The following PCDHGB3 variants were observed in gnomAD, a reference collection of about 807,000 sequenced individuals.
PCDHGB3 encodes protocadherin gamma subfamily B, 3.
PCDHGB3 carries 40 observed loss-of-function variants against 59.2 expected under a neutral mutation model. That is an observed-to-expected ratio of 0.68 (90% CI 0.52 to 0.88). PCDHGB3 has a LOEUF of 0.88. Among genes scored for constraint, PCDHGB3 ranks in the 40% least tolerant of loss-of-function variants. PCDHGB3 has a pLI of 0.00. For synonymous variants in PCDHGB3, 581 were observed against 503.6 expected (o/e 1.15, Z -2.06); for missense variants, 1,309 against 1,187.9 (o/e 1.10, Z -1.50).
intron 1 of PCDHGB3, chr5:141,398,025 A>T (rs1481347884): frequency 1.4e-6 from 2 of 1,445,136 alleles, no homozygotes; most frequent in Non-Finnish European, 1.8e-6. Flanking sequence ...CTAAACTGGA[A>T]CTGGAACTAA....
chr5:141,384,282 C>T (rs1230546899), intron 1 of PCDHGB3: 3 of 1,613,858 alleles, frequency 1.9e-6, no homozygotes, highest in African/African-American at 1.3e-5. Flanking sequence ...CAGTCTACAT[C>T]GCTGAGAACA....
chr5:141,437,000 G>A (rs1197061999), intron 1 of PCDHGB3, among the ~76,000 whole-genome samples: 1 of 152,198 alleles, frequency 6.6e-6, no homozygotes, highest in Non-Finnish European at 1.5e-5. Flanking sequence ...TTACTTCAAT[G>A]GGATCTTAGA....
In PCDHGB3 at chr5:141,489,152, A is replaced by C; in HGVS notation, c.2416-5655A>C. The C allele has an allele frequency of 2.1e-6, 2 of 960,350 alleles. No individual in the cohort carries two copies. Among genetic ancestry groups the C allele is most frequent in the Non-Finnish European group, 3.1e-6 (2 of 640,552 alleles). 59.5% of individuals were successfully genotyped at this position (960,350 alleles called of 1,614,324 possible). A position where few individuals can be genotyped will look rare whatever the true frequency, so the allele number is the denominator to read the frequency against. On this transcript the variant is annotated intron_variant, in intron 1 of 3. Transcript: ENST00000576222. This position sits in a 1 kb window ranked among gnomAD's most constrained non-coding sequence, Gnocchi z 4.5. The stretch of plus-strand genomic sequence containing the variant: ...TTTTAAGAGGCTGGAAGGAGACATA[A>C]GAGACTTCAGCTGCTGCATTCCAAG...
chr5:141,399,427 G>A (rs1049477252), intron 1 of PCDHGB3: 2 of 1,613,842 alleles, frequency 1.2e-6, no homozygotes, highest in African/African-American at 2.7e-5. Context: ...CAGCATAAGC[G>A]TCATCCTACA....
chr5:141,501,345 A>G (rs2099808580), intron 2 of PCDHGB3, among the ~76,000 whole-genome samples: 2 of 150,582 alleles, frequency 1.3e-5, no homozygotes, highest in East Asian at 1.9e-4. Context: ...CCCAAACTCA[A>G]TAGGGCAAGA....
At chr5:141,399,291 T>A in intron 1 of PCDHGB3, 1 of 1,613,954 alleles carries the variant, frequency 6.2e-7, no homozygotes, top group East Asian at 2.2e-5. Context: ...AAGTCCCTTT[T>A]AAGATTATCT....
chr5:141,498,971 G>GGGAA (rs201769957), intron 2 of PCDHGB3, among the ~76,000 whole-genome samples: 8,226 of 110,874 alleles, frequency 0.074, 335 homozygotes, highest in Middle Eastern at 0.11. Flanking sequence ...GAGGGAGGGA[G>GGGAA]GGAAGGAAGG....
chr5:141,387,668 A>C, intron 1 of PCDHGB3: 1 of 689,820 alleles, frequency 1.4e-6, no homozygotes, highest in Non-Finnish European at 2.4e-6. Flanking sequence ...GGCGCTCCAG[A>C]TCTCCTCGCG....
chr5:141,507,495 G>T (rs375483743), intron 3 of PCDHGB3, among the ~76,000 whole-genome samples: 2 of 152,234 alleles, frequency 1.3e-5, no homozygotes, highest in Non-Finnish European at 2.9e-5. Context: ...AGGCAGAGCT[G>T]TCCCAGGTCT....
In PCDHGB3 at chr5:141,391,891, A is replaced by C. The variant is rs140956361; in HGVS notation, c.2415+19082A>C. 7.1e-4 allele frequency: 108 copies of C among 152,338 alleles called. No individual in the cohort carries two copies. In the East Asian group the frequency reaches 0.015, roughly 21 times the overall value. 9.4% of individuals were successfully genotyped at this position (152,338 alleles called of 1,614,324 possible). On this transcript the variant is annotated intron_variant, in intron 1 of 3. Coordinates refer to ENST00000576222, the MANE Select transcript of PCDHGB3 (RefSeq NM_018924.5). ...TCATCTCTTTGGTGAAAGGGATGGG[A>C]TGGAGCTTTGCTTTTTATCATATAT... is the stretch of plus-strand genomic sequence containing the variant.
At chr5:141,381,989 C>G (rs1013941230) in intron 1 of PCDHGB3, among the ~76,000 whole-genome samples, 13 of 151,916 alleles carry the variant, frequency 8.6e-5, no homozygotes, top group Admixed American at 7.2e-4. Flanking sequence ...GCCACCACGC[C>G]CGGATAATTT....
intron 1 of PCDHGB3, among the ~76,000 whole-genome samples, chr5:141,438,591 C>CATATATAT (rs946798767): frequency 3.4e-4 from 26 of 75,528 alleles, no homozygotes; most frequent in Non-Finnish European, 5.4e-4. Flanking sequence ...TACATACATA[C>CATATATAT]ATATATATAT....
At position 141,390,867 on chromosome 5, in the gene PCDHGB3, CGTGT is replaced by C. The variant is rs61319619; in HGVS notation, c.2415+18076_2415+18079del. The C allele has an allele frequency of 5.1e-4, 77 of 151,148 alleles. No homozygotes were observed. The East Asian group carries it at 6.0e-3, about 12-fold the overall frequency. 9.4% of individuals were successfully genotyped at this position (151,148 alleles called of 1,614,324 possible). A position where few individuals can be genotyped will look rare whatever the true frequency, so the allele number is the denominator to read the frequency against. On this transcript the variant is annotated intron_variant, in intron 1 of 3. Coordinates refer to ENST00000576222, the MANE Select transcript of PCDHGB3 (RefSeq NM_018924.5). ...TTATATGCAGTGTACGCTGTGTGTG[CGTGT>C]GTGTGTGTGTGTGTGTGAGAGAGAT...
At chr5:141,419,273 G>A (rs751868316) in intron 1 of PCDHGB3, 2 of 1,614,034 alleles carry the variant, frequency 1.2e-6, no homozygotes, top group South Asian at 1.1e-5. Flanking sequence ...TGCCTCCATA[G>A]CGCAAGTCAG....
At chr5:141,510,286 A>G (rs1011677966) in intron 3 of PCDHGB3, among the ~76,000 whole-genome samples, 1 of 151,770 alleles carries the variant, frequency 6.6e-6, no homozygotes, top group African/African-American at 2.4e-5. Flanking sequence ...AAAAAAAAAA[A>G]AAAAATGCTG....
chr5:141,415,502 A>AGCCC, intron 1 of PCDHGB3: 1 of 1,614,204 alleles, frequency 6.2e-7, no homozygotes, highest in South Asian at 1.1e-5. Flanking sequence ...ATCTTCCCCC[A>AGCCC]GCCCAATTAT....
chr5:141,418,081 C>T lies in PCDHGB3; in HGVS notation c.2415+45272C>T, dbSNP rs190197904. On this transcript the variant is annotated intron_variant, in intron 1 of 3. Transcript: ENST00000576222. Reference sequence around the variant, plus strand: ...TGCGAGTGAGCGCGGAGAAGCTGCACTTCAGCGTAGACGCGCAGAGCGGGG... The same window carrying T: ...TGCGAGTGAGCGCGGAGAAGCTGCATTTCAGCGTAGACGCGCAGAGCGGGG... 331 of 1,614,072 alleles carry T rather than the reference C, an allele frequency of 2.1e-4. 3 individuals are homozygous for T. The African/African-American group carries it at 4.0e-3, about 19-fold the overall frequency.
At chr5:141,414,623 C>T (rs998923536) in intron 1 of PCDHGB3, 2 of 1,613,820 alleles carry the variant, frequency 1.2e-6, no homozygotes, top group African/African-American at 1.3e-5. Flanking sequence ...GCGCTGGACC[C>T]GGACAGCAAA....
rs1423149 is a variant in PCDHGB3, at chr5:141,487,780, C to G, written c.2416-7027C>G. ...TAGACGCTGTGCTTTGTAACTGTTTCGTGAATTAACCAGAGTTGTCACAGT... is the reference window on the plus strand; with the variant it reads ...TAGACGCTGTGCTTTGTAACTGTTTGGTGAATTAACCAGAGTTGTCACAGT... On this transcript the variant is annotated intron_variant, in intron 1 of 3. Transcript: ENST00000576222. This position sits in a 1 kb window ranked among gnomAD's most constrained non-coding sequence, Gnocchi z 5.0. 6.6e-7 allele frequency: 1 copy of G among 1,526,704 alleles called. No individual in the cohort carries two copies. The allele number at this position is 1,526,704 out of a possible 1,614,324, so 94.6% of individuals were successfully genotyped here. A position where few individuals can be genotyped will look rare whatever the true frequency, so the allele number is the denominator to read the frequency against.
Sources: gnomAD v4.1 joint callset for allele counts (sites outside exome capture counted in the v4.1 genomes callset) on GRCh38, gnomAD v4.1.1 for gene constraint, Gnocchi (gnomAD v3.1) non-coding constraint, MANE v1.5 for transcripts, NCBI Gene and HGNC (gene_info 2026-07-23, HGNC 2026-07-21) for gene names.